Variants in SLC14A2 observed in about 807,000 individuals in gnomAD.
SLC14A2 encodes the protein solute carrier family 14 member 2, also known as urea transporter 2.
In SLC14A2, 91 loss-of-function variants were observed where a neutral mutation model predicts 104.6. The observed-to-expected ratio is 0.87, with a 90% CI of 0.73 to 1.04. SLC14A2 has a LOEUF of 1.04. Among genes scored for constraint, SLC14A2 ranks in the 50% least tolerant of loss-of-function variants. The probability of loss-of-function intolerance (pLI) is 0.00; values close to 1 mark genes in which losing one functional copy is unlikely to be tolerated. For missense variants in SLC14A2, 1,189 were observed against 1,156.0 expected (o/e 1.03, Z -0.41); for synonymous variants, 476 against 466.4 (o/e 1.02, Z -0.27).
chr18:45,321,983 G>T (rs1286392992), intron 1 of SLC14A2, among the ~76,000 whole-genome samples: 1 of 152,126 alleles, frequency 6.6e-6, no homozygotes, highest in Non-Finnish European at 1.5e-5. Flanking sequence ...GAGACATGCT[G>T]GATGGTGTGG....
chr18:45,274,394 T>C (rs1314447562), intron 1 of SLC14A2, among the ~76,000 whole-genome samples: 2 of 152,198 alleles, frequency 1.3e-5, no homozygotes, highest in Non-Finnish European at 2.9e-5. Flanking sequence ...TGGAAGTCTT[T>C]GGGGTTAAAT....
At chr18:45,643,239 A>G in intron 9 of SLC14A2, 58 bp downstream of exon 9, 1 of 1,482,962 alleles carries the variant, frequency 6.7e-7, no homozygotes, top group Non-Finnish European at 9.4e-7. Context: ...GCTTCTGGAC[A>G]TATGGGGTTG....
chr18:45,362,838 C>T (rs2085626182), intron 1 of SLC14A2, among the ~76,000 whole-genome samples: 1 of 152,192 alleles, frequency 6.6e-6, no homozygotes, highest in African/African-American at 2.4e-5. Flanking sequence ...GCCTTGGACT[C>T]CAAGACAAAT....
At chr18:45,370,471 CCTCA>C (rs545578818) in intron 1 of SLC14A2, among the ~76,000 whole-genome samples, 13 of 152,100 alleles carry the variant, frequency 8.5e-5, no homozygotes, top group Admixed American at 2.0e-4. Flanking sequence ...TAAATGCAGC[CCTCA>C]CTTTGTTCTG....
chr18:45,178,037 T>C, the SLC14A2 span, among the ~76,000 whole-genome samples: 1 of 152,150 alleles, frequency 6.6e-6, no homozygotes, highest in Non-Finnish European at 1.5e-5. Context: ...CCCAAGATTC[T>C]ACTCATACCC....
At chr18:45,288,957 G>A (rs983572273) in intron 1 of SLC14A2, among the ~76,000 whole-genome samples, 2 of 152,196 alleles carry the variant, frequency 1.3e-5, no homozygotes, top group African/African-American at 2.4e-5. Context: ...GGAGCCCCAC[G>A]GCTCTTTGCC....
intron 1 of SLC14A2, among the ~76,000 whole-genome samples, chr18:45,234,001 A>G (rs2084201645): frequency 6.6e-6 from 1 of 152,118 alleles, no homozygotes; most frequent in Admixed American, 6.5e-5. Flanking sequence ...CACCAAGACT[A>G]TTTATTGTCT....
chr18:45,679,143 T>C (rs2046275776), intron 19 of SLC14A2, 119 bp downstream of exon 19: 2 of 929,048 alleles, frequency 2.2e-6, no homozygotes, highest in African/African-American at 1.7e-5. Flanking sequence ...ATCTCCCTTA[T>C]TTCAAGTCAC....
chr18:45,537,508 C>T lies in SLC14A2; in HGVS notation c.-35+54186C>T, dbSNP rs536376593. The stretch of plus-strand genomic sequence containing the variant: ...TGGCAGTGTGCTGGCAGCAAAATGG[C>T]CAGTGTGTTCCCTGGGAAGTGAGCA... On this transcript the variant is annotated intron_variant, in intron 2 of 20. Transcript: ENST00000586448. Among the ~76,000 whole-genome samples, 81 of 152,166 alleles carry T rather than the reference C, an allele frequency of 5.3e-4. 1 individual carries two copies. The highest frequency in any genetic ancestry group is 1.9e-3 in the African/African-American group (77 of 41,514).
intron 2 of SLC14A2, among the ~76,000 whole-genome samples, chr18:45,522,835 C>T (rs1035338217): frequency 2.6e-5 from 4 of 152,178 alleles, no homozygotes; most frequent in African/African-American, 9.7e-5. Context: ...AATCATATCA[C>T]CAAACCAGCT....
chr18:45,411,326 T>A (rs1344976476), intron 1 of SLC14A2, among the ~76,000 whole-genome samples: 46 of 152,204 alleles, frequency 3.0e-4, no homozygotes, highest in African/African-American at 1.1e-3. Context: ...TTAGTTCCTT[T>A]GCTTTTATTA....
At chr18:45,293,942 C>A (rs999300806) in intron 1 of SLC14A2, among the ~76,000 whole-genome samples, 2 of 151,882 alleles carry the variant, frequency 1.3e-5, no homozygotes, top group Non-Finnish European at 1.5e-5. Context: ...GATAACTGAG[C>A]GAGATGCGAA....
rs1227209639 is a variant in SLC14A2, at chr18:45,682,777, C to T, written c.*258C>T. The T allele has an allele frequency of 9.3e-6, 4 of 430,140 alleles. No individual in the cohort carries two copies. The highest frequency in any genetic ancestry group is 8.0e-5 in the African/African-American group (4 of 49,884). The allele number at this position is 430,140 out of a possible 1,614,324, so 26.6% of individuals were successfully genotyped here. On this transcript the variant is annotated 3_prime_UTR_variant, in exon 20 of 20. Transcript: ENST00000255226. ...CCCTTTGTGGGGAACTTGCCCTCTT[C>T]TGCGAAATAAGCCTCATCCTTAAAG...
At chr18:45,443,522 A>C (rs1202417979) in intron 1 of SLC14A2, among the ~76,000 whole-genome samples, 1 of 152,108 alleles carries the variant, frequency 6.6e-6, no homozygotes, top group Non-Finnish European at 1.5e-5. Context: ...CAGTCAAAGA[A>C]GATAGGTCAG....
intron 1 of SLC14A2, among the ~76,000 whole-genome samples, chr18:45,254,756 G>A (rs570893563): frequency 2.0e-5 from 3 of 152,132 alleles, no homozygotes; most frequent in Admixed American, 6.5e-5. Flanking sequence ...CCATCCTCAG[G>A]GGCCTGACCT....
intron 2 of SLC14A2, among the ~76,000 whole-genome samples, chr18:45,500,313 C>A (rs2043171754): frequency 6.6e-6 from 1 of 151,820 alleles, no homozygotes; most frequent in South Asian, 2.1e-4. Flanking sequence ...CGCGGTGGCT[C>A]ACGCCTGTAA....
chr18:45,335,945 A>G (rs2085334023), intron 1 of SLC14A2, among the ~76,000 whole-genome samples: 1 of 152,202 alleles, frequency 6.6e-6, no homozygotes, highest in African/African-American at 2.4e-5. Context: ...TGCAAGCTTA[A>G]TGGGGCGATA....
chr18:45,407,074 C>G (rs1598766407), intron 1 of SLC14A2, among the ~76,000 whole-genome samples: 1 of 152,172 alleles, frequency 6.6e-6, no homozygotes, highest in African/African-American at 2.4e-5. Flanking sequence ...GCTTTGAAGC[C>G]AGACATTGAC....
chr18:45,391,909 G>A (rs562687800), intron 1 of SLC14A2, among the ~76,000 whole-genome samples: 1 of 152,154 alleles, frequency 6.6e-6, no homozygotes, highest in Non-Finnish European at 1.5e-5. Context: ...TTCTTTTGCT[G>A]TGCAGAAGCT....
Sources: gnomAD v4.1 joint callset for allele counts (sites outside exome capture counted in the v4.1 genomes callset) on GRCh38, gnomAD v4.1.1 for gene constraint, MANE v1.5 for transcripts, NCBI Gene and HGNC (gene_info 2026-07-23, HGNC 2026-07-21) for gene names.